Variants in EP400 observed in about 807,000 individuals in gnomAD.
EP400 encodes E1A-binding protein p400.
Under a neutral mutation model 354.1 loss-of-function variants are expected in EP400, and 105 were observed. That is an observed-to-expected ratio of 0.30 (90% CI 0.25 to 0.35). EP400 has a LOEUF of 0.35. Among genes scored for constraint, EP400 ranks in the 10% least tolerant of loss-of-function variants. EP400 has a pLI of 1.00. For missense variants in EP400, 3,280 were observed against 4,121.0 expected (o/e 0.80, Z 5.59); for synonymous variants, 1,646 against 1,716.9 (o/e 0.96, Z 1.02).
At chr12:131,956,892 T>TC (rs1421703881) in intron 1 of EP400, among the ~76,000 whole-genome samples, 1 of 150,270 alleles carries the variant, frequency 6.7e-6, no homozygotes, top group Non-Finnish European at 1.5e-5. Flanking sequence ...TTTTTTTTTT[T>TC]TAGGAGTCTC....
Position 132,018,068 on chromosome 12 carries a change from G to T in EP400, c.4111-142G>T, listed in dbSNP as rs879787490. The stretch of plus-strand genomic sequence containing the variant: ...GGCAGCACCTGTGTATTGGCACGGA[G>T]GAGGGTCTGCTTGCCGAGTGGCCGT... On this transcript the variant is annotated intron_variant, in intron 20 of 52. Coordinates refer to ENST00000389561, the MANE Select transcript of EP400 (RefSeq NM_015409.5). The surrounding 1 kb of genome is among the most constrained non-coding windows in gnomAD (Gnocchi z 4.0). 24 of 986,004 alleles carry T rather than the reference G, an allele frequency of 2.4e-5. No individual in the cohort carries two copies. Among genetic ancestry groups the T allele is most frequent in the Middle Eastern group, 3.1e-4 (1 of 3,262 alleles). The allele number at this position is 986,004 out of a possible 1,614,324, so 61.1% of individuals were successfully genotyped here.
chr12:132,009,802 T>TACAG (rs1893702867), intron 15 of EP400, among the ~76,000 whole-genome samples: 1 of 150,536 alleles, frequency 6.6e-6, no homozygotes, highest in African/African-American at 2.5e-5. Flanking sequence ...TAGCTGGGAA[T>TACAG]ACAGGTGTAT....
rs756748862 is a variant in EP400 at position 131,982,178 on chromosome 12, C to T, written c.1629C>T (p.Pro543=). ...AGTATGACCCCTCCACGGGGCCTCCCGTGCAGAACGCTGCCAGCTTGCACA... is the reference window on the plus strand; with the variant it reads ...AGTATGACCCCTCCACGGGGCCTCCTGTGCAGAACGCTGCCAGCTTGCACA... The part of the protein sequence containing the change: ...QQQYDPSTGP[P]VQNAASLHTP... The change falls in exon 5 of 53, where the codon CCC becomes CCT. Residue 543 remains proline (P), a synonymous_variant. Coordinates refer to ENST00000389561, the MANE Select transcript of EP400 (RefSeq NM_015409.5). 2.4e-5 allele frequency: 38 copies of T among 1,612,052 alleles called. No homozygotes were observed. Among genetic ancestry groups the T allele is most frequent in the South Asian group, 8.8e-5 (8 of 91,012 alleles).
intron 1 of EP400, among the ~76,000 whole-genome samples, chr12:131,958,190 TC>T (rs1463724755): frequency 6.6e-6 from 1 of 152,224 alleles, no homozygotes; most frequent in African/African-American, 2.4e-5. Flanking sequence ...TTTAGTAAGA[TC>T]AGGAACAGAA....
chr12:131,962,924 A>T (rs1891942962), intron 2 of EP400, among the ~76,000 whole-genome samples: 1 of 152,210 alleles, frequency 6.6e-6, no homozygotes, highest in African/African-American at 2.4e-5. Flanking sequence ...AGCAGTCCTT[A>T]CTGGTATCTA....
At chr12:132,044,544 T>C (rs1383821299) in intron 35 of EP400, 127 bp from the exon 36 acceptor site, 1 of 1,237,730 alleles carries the variant, frequency 8.1e-7, no homozygotes, top group Non-Finnish European at 1.1e-6. Context: ...CATTTATAAG[T>C]CTTATAAATA....
chr12:131,986,552 G>A lies in EP400; in HGVS notation c.1968G>A (p.Pro656=), dbSNP rs769125700. Reference sequence around the variant, plus strand: ...CAAGGCTCCCTGTGGACCCTGCCCCGCCCTGCCCACGGCCTCTGCCCACCT... The same window carrying A: ...CAAGGCTCCCTGTGGACCCTGCCCCACCCTGCCCACGGCCTCTGCCCACCT... ...ASTRLPVDPA[P]PCPRPLPTSS... The change falls in exon 6 of 53, where the codon CCG becomes CCA. Residue 656 remains proline (P), a synonymous_variant. Coordinates refer to ENST00000389561, the MANE Select transcript of EP400 (RefSeq NM_015409.5). 9 of 1,612,794 alleles carry A rather than the reference G, an allele frequency of 5.6e-6. No individual in the cohort carries two copies. The highest frequency in any genetic ancestry group is 4.4e-5 in the South Asian group (4 of 90,916).
Position 132,018,355 on chromosome 12 carries a change from C to T in EP400, c.4256C>T (p.Ala1419Val). The T allele has an allele frequency of 1.2e-6, 2 of 1,607,932 alleles. No homozygotes were observed. Among genetic ancestry groups the T allele is most frequent in the Non-Finnish European group, 1.7e-6 (2 of 1,178,276 alleles). Reference protein sequence around the residue: ...TSAAPAARPAAAKLKASRLFQ... With the variant: ...TSAAPAARPAVAKLKASRLFQ... ...GCAGCCCCAGCAGCCCGACCAGCAG[C>T]AGCAAAGCTGAAGGCCAGCAGGTGC... Residue 1419 changes from alanine (A) to valine (V), a missense_variant, in exon 21 of 53, where the codon GCA (alanine) becomes GTA (valine). Transcript: ENST00000389561. The surrounding 1 kb of genome is among the most constrained non-coding windows in gnomAD (Gnocchi z 4.0).
chr12:132,065,081 C>T (rs776048658), intron 48 of EP400, 195 bp downstream of exon 48: 130 of 1,028,634 alleles, frequency 1.3e-4, no homozygotes, highest in Non-Finnish European at 1.8e-4. Context: ...CAGCAGCTCC[C>T]AGAGCCCATC....
intron 19 of EP400, among the ~76,000 whole-genome samples, chr12:132,016,288 C>T (rs373316472): frequency 2.0e-5 from 3 of 152,228 alleles, no homozygotes; most frequent in East Asian, 1.9e-4. Context: ...ATGTGCTCCT[C>T]ACGCATCAAG....
At chr12:132,060,597 G>A (rs550371526) in intron 45 of EP400, among the ~76,000 whole-genome samples, 2 of 152,148 alleles carry the variant, frequency 1.3e-5, no homozygotes, top group South Asian at 4.1e-4. Context: ...GCCAGCCTAG[G>A]GCTCTGCATC....
intron 3 of EP400, 113 bp downstream of exon 3, chr12:131,979,906 T>C: frequency 1.2e-6 from 1 of 802,460 alleles, no homozygotes; most frequent in Non-Finnish European, 1.9e-6. Context: ...TTCTTCCTAC[T>C]TTGAAAATTA....
chr12:132,046,422 T>C (rs1895099160), intron 39 of EP400, among the ~76,000 whole-genome samples: 1 of 152,216 alleles, frequency 6.6e-6, no homozygotes. Context: ...TCGCTTTGTT[T>C]TGATCGTGGC....
At position 132,028,312 on chromosome 12, in the gene EP400, T is replaced by A. The variant is rs755964586; in HGVS notation, c.5381+24T>A. 6.2e-6 allele frequency: 10 copies of A among 1,604,134 alleles called. 1 individual carries two copies. In the South Asian group the frequency reaches 1.1e-4, roughly 18 times the overall value. ...AGGTACTGCAGACCTCGTGACCTTT[T>A]CGGTGCTCTCTGGCTGCATTGCACC... On this transcript the variant is annotated intron_variant, in intron 27 of 52. Coordinates refer to ENST00000389561, the MANE Select transcript of EP400 (RefSeq NM_015409.5).
At chr12:131,955,074 G>T (rs1891650794) in intron 1 of EP400, among the ~76,000 whole-genome samples, 1 of 152,088 alleles carries the variant, frequency 6.6e-6, no homozygotes, top group African/African-American at 2.4e-5. Context: ...TAGAAACTTA[G>T]TCGTTAAAAA....
intron 51 of EP400, 31 bp from the exon 52 acceptor site, chr12:132,076,485 T>C: frequency 6.2e-7 from 1 of 1,608,822 alleles, no homozygotes; most frequent in East Asian, 2.2e-5. Flanking sequence ...TCCTTTGAAT[T>C]GTATGTTTGG....
intron 7 of EP400, among the ~76,000 whole-genome samples, chr12:131,988,832 T>C (rs1466448400): frequency 6.6e-6 from 1 of 152,188 alleles, no homozygotes; most frequent in African/African-American, 2.4e-5. Context: ...CTTAACGCTA[T>C]GGCCTTGTGT....
At chr12:132,042,379 C>G (rs995164461) in intron 32 of EP400, among the ~76,000 whole-genome samples, 5 of 152,292 alleles carry the variant, frequency 3.3e-5, no homozygotes, top group Middle Eastern at 3.4e-3. Flanking sequence ...TATTGATGAG[C>G]AGAAGTTCTG....
intron 45 of EP400, among the ~76,000 whole-genome samples, chr12:132,055,480 TAGGGGTGTGTGTGAGGTGTAG>T (rs1895458197): frequency 1.5e-5 from 2 of 134,768 alleles, no homozygotes; most frequent in Admixed American, 1.5e-4. Flanking sequence ...GTGTGAGGTG[TAGGGGTGTGTGTGAGGTGTAG>T]GTGTGTGTGT....
Sources: gnomAD v4.1 joint callset for allele counts (sites outside exome capture counted in the v4.1 genomes callset) on GRCh38, gnomAD v4.1.1 for gene constraint, Gnocchi (gnomAD v3.1) non-coding constraint, MANE v1.5 for transcripts, NCBI Gene and HGNC (gene_info 2026-07-23, HGNC 2026-07-21) for gene names.